The following ZFP64 variants were observed in gnomAD, a reference collection of about 807,000 sequenced individuals.
ZFP64 encodes ZFP64 zinc finger protein.
In ZFP64, 14 loss-of-function variants were observed where a neutral mutation model predicts 51.6. The observed-to-expected ratio is 0.27, with a 90% CI of 0.18 to 0.42. The LOEUF (loss-of-function observed/expected upper bound fraction) is 0.42, where lower values mean the gene tolerates loss of function less well. ZFP64 is among the 10% of genes least tolerant of loss of function. The probability of loss-of-function intolerance (pLI) is 1.00; values close to 1 mark genes in which losing one functional copy is unlikely to be tolerated. For missense variants in ZFP64, 754 were observed against 906.8 expected (o/e 0.83, Z 2.16); for synonymous variants, 375 against 361.4 (o/e 1.04, Z -0.43).
Position 52,160,041 on chromosome 20 carries a change from T to C in ZFP64, c.763+82A>G. 1 of 1,584,736 alleles carries C rather than the reference T, an allele frequency of 6.3e-7. No homozygotes were observed. The highest frequency in any genetic ancestry group is 8.6e-7 in the Non-Finnish European group (1 of 1,166,060). On this transcript the variant is annotated intron_variant, in intron 5 of 5. Coordinates refer to ENST00000216923, the MANE Select transcript of ZFP64 (RefSeq NM_018197.3). The surrounding 1 kb of genome is among the most constrained non-coding windows in gnomAD (Gnocchi z 4.2). ...AAGGTTCCAACTCGATTTCTTACAT[T>C]GTGGCTGAATGCTTTAAGGTGCTTA... is the stretch of plus-strand genomic sequence containing the variant.
chr20:52,180,989 C>T (rs940656131), intron 2 of ZFP64, among the ~76,000 whole-genome samples: 3 of 151,968 alleles, frequency 2.0e-5, no homozygotes, highest in Admixed American at 6.6e-5. Flanking sequence ...TGCAATGGCA[C>T]GATCTCCACT....
exon 9 of ZFP64, chr20:52,084,113 A>G (rs2078838802): frequency 1.3e-5 from 2 of 157,922 alleles, no homozygotes; most frequent in Admixed American, 1.2e-4. Context: ...TATGAAATAG[A>G]AGTTTTCCAG....
At chr20:52,128,896 A>G (rs1215282386) in intron 5 of ZFP64, among the ~76,000 whole-genome samples, 1 of 150,898 alleles carries the variant, frequency 6.6e-6, no homozygotes, top group Non-Finnish European at 1.5e-5. Flanking sequence ...CTCCACAAGG[A>G]GCTCCGACCT....
chr20:52,119,465 A>G (rs1244361113), intron 5 of ZFP64, among the ~76,000 whole-genome samples: 1 of 150,118 alleles, frequency 6.7e-6, no homozygotes, highest in African/African-American at 2.5e-5. Context: ...CGGAGGTTGC[A>G]GTCAGCCAAG....
chr20:52,136,096 CAAAAAA>C (rs71192597), intron 5 of ZFP64, among the ~76,000 whole-genome samples: 16 of 38,034 alleles, frequency 4.2e-4, no homozygotes, highest in East Asian at 3.0e-3. Context: ...GAGACTCTCT[CAAAAAA>C]AAAAAAAAAA....
chr20:52,173,816 T>C (rs1982951060), intron 2 of ZFP64, among the ~76,000 whole-genome samples: 2 of 151,924 alleles, frequency 1.3e-5, no homozygotes, highest in Admixed American at 1.3e-4. Context: ...GCCTGGCTAA[T>C]TTTTGTATTT....
intron 7 of ZFP64, among the ~76,000 whole-genome samples, chr20:52,095,936 C>G (rs944818009): frequency 1.3e-5 from 2 of 152,208 alleles, no homozygotes; most frequent in Non-Finnish European, 2.9e-5. Context: ...ACTGAGCTGC[C>G]TCGTCTTTCC....
chr20:52,151,350 T>C lies in ZFP64; in HGVS notation c.*796A>G, dbSNP rs545191151. On this transcript the variant is annotated 3_prime_UTR_variant, in exon 6 of 6. Coordinates refer to ENST00000216923, the MANE Select transcript of ZFP64 (RefSeq NM_018197.3). Reference sequence around the variant, plus strand: ...CTCATTAGCACTAAACATTTTTTTTTGGGTCAAGTATCCATGTCATATTAT... The same window carrying C: ...CTCATTAGCACTAAACATTTTTTTTCGGGTCAAGTATCCATGTCATATTAT... 5 of 985,390 alleles carry C rather than the reference T, an allele frequency of 5.1e-6. No individual in the cohort carries two copies. The highest frequency in any genetic ancestry group is 6.0e-6 in the Non-Finnish European group (5 of 829,924). 61.0% of individuals were successfully genotyped at this position (985,390 alleles called of 1,614,324 possible).
chr20:52,099,302 G>A (rs2079026192), intron 5 of ZFP64, among the ~76,000 whole-genome samples: 2 of 132,018 alleles, frequency 1.5e-5, no homozygotes, highest in Admixed American at 1.7e-4. Context: ...AAAGCTGGAT[G>A]CCATGGCAAT....
chr20:52,146,668 G>A (rs980140206), downstream of ZFP64, among the ~76,000 whole-genome samples: 5 of 151,866 alleles, frequency 3.3e-5, no homozygotes, highest in Non-Finnish European at 7.4e-5. Flanking sequence ...AGCATGGCAC[G>A]TGTATACATA....
At chr20:52,087,406 G>A (rs1280961121) in intron 8 of ZFP64, among the ~76,000 whole-genome samples, 2 of 152,070 alleles carry the variant, frequency 1.3e-5, no homozygotes, top group Non-Finnish European at 2.9e-5. Flanking sequence ...AGCAATCCTA[G>A]TTTTATTTCA....
chr20:52,179,127 G>C (rs1409881510), intron 2 of ZFP64, among the ~76,000 whole-genome samples: 2 of 152,180 alleles, frequency 1.3e-5, no homozygotes, highest in African/African-American at 4.8e-5. Flanking sequence ...CCTTGTGATA[G>C]AGAATGAGTC....
chr20:52,155,805 G>C lies in ZFP64; in HGVS notation c.764-2377C>G, dbSNP rs1425471601. ...ACATAGCGAGGTTTAAAGAATGTTGGATGAATGAGCGACATATATTTAAGC... is the reference window on the plus strand; with the variant it reads ...ACATAGCGAGGTTTAAAGAATGTTGCATGAATGAGCGACATATATTTAAGC... On this transcript the variant is annotated intron_variant, in intron 5 of 5. Transcript: ENST00000216923. 3.3e-5 allele frequency among the ~76,000 whole-genome samples: 5 copies of C among 152,170 alleles called. No homozygotes were observed. The East Asian group carries it at 9.6e-4, about 29-fold the overall frequency.
Position 52,160,268 on chromosome 20 carries a change from C to T in ZFP64, c.618G>A (p.Lys206=). The change falls in exon 5 of 6, where the codon AAG becomes AAA. Residue 206 remains lysine, a synonymous_variant. Transcript: ENST00000216923. The surrounding 1 kb of genome is among the most constrained non-coding windows in gnomAD (Gnocchi z 4.2). ...CHTGVKPYKC[K]TCDYAAADSS... ...TGTCGGCAGCGGCGTAGTCACACGT[C>T]TTACACTTGTAGGGCTTCACGCCCG... 6.2e-7 allele frequency: 1 copy of T among 1,614,166 alleles called. No homozygotes were observed. The highest frequency in any genetic ancestry group is 8.5e-7 in the Non-Finnish European group (1 of 1,180,044).
intron 2 of ZFP64, among the ~76,000 whole-genome samples, chr20:52,181,474 G>A (rs989058594): frequency 6.6e-5 from 10 of 152,168 alleles, no homozygotes; most frequent in South Asian, 2.1e-4. Flanking sequence ...GCCAGACAAC[G>A]GGCAGCTTTC....
intron 5 of ZFP64, among the ~76,000 whole-genome samples, chr20:52,115,735 C>G (rs764095957): frequency 6.6e-6 from 1 of 151,604 alleles, no homozygotes; most frequent in Non-Finnish European, 1.5e-5. Flanking sequence ...ACATCTTAAG[C>G]AAGAAAAGGG....
chr20:52,126,393 C>G (rs1275699036), intron 5 of ZFP64, among the ~76,000 whole-genome samples: 1 of 152,120 alleles, frequency 6.6e-6, no homozygotes, highest in Non-Finnish European at 1.5e-5. Flanking sequence ...TTAACCATTA[C>G]CCTCTACTGT....
At position 52,159,045 on chromosome 20, in the gene ZFP64, C is replaced by T. The variant is rs114310601; in HGVS notation, c.763+1078G>A. Among the ~76,000 whole-genome samples the T allele has an allele frequency of 2.2e-3, 336 of 152,308 alleles. 1 individual carries two copies. Among genetic ancestry groups the T allele is most frequent in the African/African-American group, 7.9e-3 (327 of 41,572 alleles). On this transcript the variant is annotated intron_variant, in intron 5 of 5. Transcript: ENST00000216923. ...AAGGCCAGTGGACAGCCAGCCAGCC[C>T]ATGGCCAGCAGATCCCCAGGGAAAT...
At chr20:52,150,399 A>AC (rs1980735621), downstream of ZFP64, among the ~76,000 whole-genome samples, 3 of 152,202 alleles carry the variant, frequency 2.0e-5, no homozygotes, top group Non-Finnish European at 2.9e-5. Flanking sequence ...AAAGAGAAAG[A>AC]CATAGGAAAT....
Sources: allele counts gnomAD v4.1 joint callset (sites outside exome capture counted in the v4.1 genomes callset), GRCh38; gene constraint gnomAD v4.1.1; non-coding constraint Gnocchi (gnomAD v3.1); transcripts MANE v1.5; gene names NCBI Gene and HGNC (gene_info 2026-07-23, HGNC 2026-07-21).